Variants in NFASC observed in about 807,000 individuals in gnomAD.
NFASC encodes the protein neurofascin, also known as neurofascin homolog.
Under a neutral mutation model 147.5 loss-of-function variants are expected in NFASC, and 43 were observed. That is an observed-to-expected ratio of 0.29 (90% CI 0.23 to 0.38). The LOEUF is 0.38. Among genes scored for constraint, NFASC ranks in the 10% least tolerant of loss-of-function variants. NFASC has a pLI of 1.00. For missense variants in NFASC, 1,320 were observed against 1,689.0 expected, an observed-to-expected ratio of 0.78 and a Z score of 3.83; for synonymous variants, 622 against 665.5, an observed-to-expected ratio of 0.93 and a Z score of 1.01.
At chr1:204,891,660 T>A (rs1238156710) in intron 1 of NFASC, among the ~76,000 whole-genome samples, 1 of 152,154 alleles carries the variant, frequency 6.6e-6, no homozygotes, top group African/African-American at 2.4e-5. Flanking sequence ...CACACCTCTA[T>A]AGCACTGTGG....
chr1:205,002,942 T>C (rs1241319770), intron 27 of NFASC, among the ~76,000 whole-genome samples, 194 bp downstream of exon 27: 1 of 152,142 alleles, frequency 6.6e-6, no homozygotes, highest in African/African-American at 2.4e-5. Flanking sequence ...CCAGTGTGCA[T>C]GCGTAGTGGA....
In NFASC at chr1:204,946,259, A is replaced by G. The variant is rs1165501863; in HGVS notation, c.91+1853A>G. ...ACCACTGGAATCGCAGGTGTCATGC[A>G]CCAGGAAGTGAGCTAAGTGCTGCAT... On this transcript the variant is annotated intron_variant, in intron 3 of 29. Transcript: ENST00000339876. 4 of 486,080 alleles carry G rather than the reference A, an allele frequency of 8.2e-6. No individual in the cohort carries two copies. The East Asian group carries it at 2.3e-4, about 28-fold the overall frequency. 30.1% of individuals were successfully genotyped at this position (486,080 alleles called of 1,614,324 possible).
At chr1:205,002,968 G>A (rs1042244070) in intron 27 of NFASC, among the ~76,000 whole-genome samples, 1 of 152,220 alleles carries the variant, frequency 6.6e-6, no homozygotes, top group Admixed American at 6.5e-5. Context: ...AACAGTGATT[G>A]TGGCCCCGTG....
chr1:204,996,087 A>G (rs1446587030), intron 24 of NFASC, among the ~76,000 whole-genome samples: 2 of 152,094 alleles, frequency 1.3e-5, no homozygotes, highest in Non-Finnish European at 2.9e-5. Context: ...TCTGCGGGTA[A>G]GGATAGGGCA....
chr1:204,869,546 A>G (rs1474333483), intron 1 of NFASC, among the ~76,000 whole-genome samples: 6 of 152,238 alleles, frequency 3.9e-5, no homozygotes, highest in Non-Finnish European at 8.8e-5. Context: ...TTATGAGAGT[A>G]TTAAGAGTAC....
At chr1:204,831,093 A>G (rs1331106590) in intron 1 of NFASC, among the ~76,000 whole-genome samples, 1 of 152,152 alleles carries the variant, frequency 6.6e-6, no homozygotes, top group Non-Finnish European at 1.5e-5. Context: ...CATTACCTGC[A>G]GCCGTTGTTG....
At chr1:204,982,223 T>A (rs1320714956) in intron 21 of NFASC, among the ~76,000 whole-genome samples, 1 of 152,202 alleles carries the variant, frequency 6.6e-6, no homozygotes, top group Non-Finnish European at 1.5e-5. Flanking sequence ...TTGGAATTAC[T>A]GAATGTCATC....
chr1:205,009,376 C>G (rs753292358), intron 27 of NFASC, 181 bp from the exon 28 acceptor site: 14 of 765,878 alleles, frequency 1.8e-5, no homozygotes, highest in Non-Finnish European at 4.7e-6. Flanking sequence ...GACCTTGGCT[C>G]TTTAATTATT....
intron 1 of NFASC, among the ~76,000 whole-genome samples, chr1:204,882,782 AT>A (rs1337189240): frequency 1.3e-5 from 2 of 152,168 alleles, no homozygotes; most frequent in African/African-American, 4.8e-5. Context: ...CTTTTCTATT[AT>A]TTTACCAGTT....
At chr1:204,893,330 G>A (rs998218228) in intron 1 of NFASC, among the ~76,000 whole-genome samples, 3 of 152,172 alleles carry the variant, frequency 2.0e-5, no homozygotes, top group Admixed American at 6.5e-5. Context: ...TTTAATGGTG[G>A]GAGAGATGCT....
chr1:204,868,934 CG>C (rs1212710946), intron 1 of NFASC, among the ~76,000 whole-genome samples: 2 of 152,248 alleles, frequency 1.3e-5, no homozygotes, highest in African/African-American at 4.8e-5. Context: ...CTGCCTCTTC[CG>C]GGGCAGAACT....
chr1:204,897,899 C>T (rs1260259540), intron 1 of NFASC, among the ~76,000 whole-genome samples: 1 of 152,168 alleles, frequency 6.6e-6, no homozygotes, highest in African/African-American at 2.4e-5. Context: ...CCACGCCCAG[C>T]TAATTTGTGT....
chr1:204,837,632 G>C (rs1253936264), intron 1 of NFASC, among the ~76,000 whole-genome samples: 1 of 152,162 alleles, frequency 6.6e-6, no homozygotes, highest in Non-Finnish European at 1.5e-5. Context: ...TGGGGCAGAC[G>C]GGAGTGCTGA....
At chr1:204,882,904 G>A (rs1361141248) in intron 1 of NFASC, among the ~76,000 whole-genome samples, 1 of 152,018 alleles carries the variant, frequency 6.6e-6, no homozygotes, top group Non-Finnish European at 1.5e-5. Flanking sequence ...GTATATAGAC[G>A]CCCGGGGTTC....
intron 28 of NFASC, among the ~76,000 whole-genome samples, chr1:205,012,402 G>GA (rs1219403944): frequency 6.6e-6 from 1 of 152,320 alleles, no homozygotes; most frequent in African/African-American, 2.4e-5. Flanking sequence ...TGATAGGCAT[G>GA]AAAAAACGTC....
intron 1 of NFASC, among the ~76,000 whole-genome samples, chr1:204,915,157 G>A (rs1294198558): frequency 6.6e-6 from 1 of 152,144 alleles, no homozygotes; most frequent in Non-Finnish European, 1.5e-5. Flanking sequence ...GTGGGTGCCT[G>A]TAGTCCCAGC....
At chr1:205,009,415 G>T (rs2151009197) in intron 27 of NFASC, 142 bp from the exon 28 acceptor site, 2 of 885,230 alleles carry the variant, frequency 2.3e-6, no homozygotes, top group Non-Finnish European at 3.8e-6. Context: ...AGGGTAGTTT[G>T]GGCCAGGGGG....
rs151134841 is a variant in NFASC at position 204,872,287 on chromosome 1, G to A, written c.-200+43505G>A. 2.9e-3 allele frequency among the ~76,000 whole-genome samples: 442 copies of A among 152,322 alleles called. 4 individuals carry two copies. Among genetic ancestry groups the A allele is most frequent in the African/African-American group, 9.4e-3 (391 of 41,566 alleles). ...ATCACGCATCCCAGGCCTGAGTGCC[G>A]CAGGGTGATGAGGAGGCTCTACAGA... On this transcript the variant is annotated intron_variant, in intron 1 of 29. Coordinates refer to ENST00000339876, the MANE Select transcript of NFASC (RefSeq NM_001005388.3).
intron 8 of NFASC, chr1:204,962,143 C>G: frequency 6.2e-7 from 1 of 1,613,444 alleles, no homozygotes; most frequent in African/African-American, 1.3e-5. Flanking sequence ...AAGAAACCAC[C>G]CTGACATGTA....
Sources: gnomAD v4.1 joint callset for allele counts (sites outside exome capture counted in the v4.1 genomes callset) on GRCh38, gnomAD v4.1.1 for gene constraint, MANE v1.5 for transcripts, NCBI Gene and HGNC (gene_info 2026-07-23, HGNC 2026-07-21) for gene names.